RBFOX1: variants seen among roughly 807,000 people sequenced by gnomAD.
RBFOX1 encodes RNA binding fox-1 homolog 1, also known as RNA binding protein fox-1 homolog 1.
In RBFOX1, 8 loss-of-function variants were observed where a neutral mutation model predicts 57.7. The ratio of observed to expected loss-of-function variants is 0.14; its 90% CI spans 0.08 to 0.25. The LOEUF (loss-of-function observed/expected upper bound fraction) is 0.25, where lower values mean the gene tolerates loss of function less well. Among genes scored for constraint, RBFOX1 ranks in the 10% least tolerant of loss-of-function variants. RBFOX1 has a pLI of 1.00. For synonymous variants in RBFOX1, 326 were observed against 222.4 expected (o/e 1.47, Z -4.15); for missense variants, 611 against 548.5 (o/e 1.11, Z -1.14).
chr16:5,384,075 C>T (rs1030894753), intron 1 of RBFOX1, among the ~76,000 whole-genome samples: 2 of 152,188 alleles, frequency 1.3e-5, no homozygotes, highest in Non-Finnish European at 2.9e-5. Flanking sequence ...AGAAATGAGT[C>T]TATGTGTCCA....
intron 3 of RBFOX1, among the ~76,000 whole-genome samples, chr16:5,635,551 T>C (rs565803545): frequency 6.6e-6 from 1 of 152,234 alleles, no homozygotes; most frequent in Non-Finnish European, 1.5e-5. Flanking sequence ...ATGTATCCCA[T>C]ACAGATTTGC....
intron 5 of RBFOX1, among the ~76,000 whole-genome samples, chr16:7,536,701 T>G (rs1284029995): frequency 6.6e-6 from 1 of 152,226 alleles, no homozygotes; most frequent in African/African-American, 2.4e-5. Flanking sequence ...CAGGGGCGTG[T>G]GGAAGCCAGC....
intron 3 of RBFOX1, among the ~76,000 whole-genome samples, chr16:6,753,683 G>A (rs1000153205): frequency 2.0e-5 from 3 of 152,162 alleles, no homozygotes; most frequent in Non-Finnish European, 4.4e-5. Context: ...CTCCCCGTGA[G>A]AAGCCTCGTG....
chr16:6,700,452 G>T (rs952427298), intron 3 of RBFOX1, among the ~76,000 whole-genome samples: 6 of 152,052 alleles, frequency 3.9e-5, no homozygotes, highest in Non-Finnish European at 5.9e-5. Context: ...GAGGTCAGGA[G>T]TTGGAGACCA....
intron 2 of RBFOX1, among the ~76,000 whole-genome samples, chr16:6,629,922 A>G (rs1260604546): frequency 1.3e-5 from 2 of 150,844 alleles, no homozygotes; most frequent in African/African-American, 2.4e-5. Flanking sequence ...CCTCTGCTAC[A>G]TAAATGCTAA....
intron 2 of RBFOX1, among the ~76,000 whole-genome samples, chr16:6,323,744 A>G (rs1018023734): frequency 6.6e-6 from 1 of 150,926 alleles, no homozygotes. Flanking sequence ...GTTTCCATAC[A>G]TCATGGGTAT....
chr16:7,421,767 G>A (rs2098544801), intron 4 of RBFOX1, among the ~76,000 whole-genome samples: 1 of 152,208 alleles, frequency 6.6e-6, no homozygotes, highest in Non-Finnish European at 1.5e-5. Flanking sequence ...CTGTACCATG[G>A]CATCGTGCTG....
At chr16:6,986,518 A>C (rs11077122) in intron 3 of RBFOX1, among the ~76,000 whole-genome samples, 122,483 of 152,156 alleles carry the variant, frequency 0.8, 49,987 homozygotes, top group African/African-American at 0.95. Context: ...TTTTGAACTC[A>C]TGGGCTCAAC....
intron 4 of RBFOX1, among the ~76,000 whole-genome samples, chr16:7,057,422 C>G (rs2052688904): frequency 6.6e-6 from 1 of 152,216 alleles, no homozygotes. Context: ...TGGGTCCACT[C>G]TGGATTTTTC....
intron 1 of RBFOX1, among the ~76,000 whole-genome samples, chr16:6,278,149 A>C (rs780379765): frequency 8.5e-5 from 13 of 152,146 alleles, no homozygotes; most frequent in Admixed American, 5.2e-4. Flanking sequence ...GTGGAAAGCC[A>C]TAAAGAGGGG....
At chr16:5,774,055 A>G (rs541343944) in intron 3 of RBFOX1, among the ~76,000 whole-genome samples, 9 of 152,272 alleles carry the variant, frequency 5.9e-5, no homozygotes, top group African/African-American at 2.2e-4. Context: ...AGTCATTTAC[A>G]TTCCCACCAA....
intron 2 of RBFOX1, among the ~76,000 whole-genome samples, chr16:6,425,558 C>T (rs543939825): frequency 6.6e-6 from 1 of 152,218 alleles, no homozygotes; most frequent in East Asian, 1.9e-4. Context: ...CTTCATGTTC[C>T]TACCAAAGAA....
chr16:7,544,959 G>A (rs1242426948), intron 5 of RBFOX1, among the ~76,000 whole-genome samples: 2 of 152,182 alleles, frequency 1.3e-5, no homozygotes, highest in African/African-American at 4.8e-5. Flanking sequence ...CAGTTACGAT[G>A]TGTGAACGGA....
At position 6,720,333 on chromosome 16, in the gene RBFOX1, T is replaced by A. The variant is rs189560356; in HGVS notation, c.-16+65683T>A. 2.8e-3 allele frequency among the ~76,000 whole-genome samples: 427 copies of A among 152,296 alleles called. 1 individual carries two copies. The highest frequency in any genetic ancestry group is 9.5e-3 in the African/African-American group (396 of 41,576). The stretch of plus-strand genomic sequence containing the variant: ...ACATGCCAGCTTCCCTTTTGCCTTC[T>A]GCCCTAATTGAAAGTTTCCTCAGTC... On this transcript the variant is annotated intron_variant, in intron 3 of 15. Coordinates refer to ENST00000550418, the MANE Select transcript of RBFOX1 (RefSeq NM_018723.4).
chr16:6,062,659 C>T (rs77525522), intron 1 of RBFOX1, among the ~76,000 whole-genome samples: 1 of 69,642 alleles, frequency 1.4e-5, no homozygotes, highest in Non-Finnish European at 3.2e-5. Context: ...CTATATGTAT[C>T]TATACATAGA....
chr16:6,048,992 C>A (rs568907624), intron 1 of RBFOX1, among the ~76,000 whole-genome samples: 1 of 145,802 alleles, frequency 6.9e-6, no homozygotes, highest in Admixed American at 6.8e-5. Context: ...GAGACTTGAT[C>A]ATCATTTTGA....
intron 1 of RBFOX1, among the ~76,000 whole-genome samples, chr16:5,283,494 G>A (rs1374043304): frequency 6.6e-6 from 1 of 152,112 alleles, no homozygotes; most frequent in Non-Finnish European, 1.5e-5. Context: ...CAGGAGGGGT[G>A]TTATACCCTA....
intron 1 of RBFOX1, among the ~76,000 whole-genome samples, chr16:5,418,459 A>C (rs987433282): frequency 1.3e-5 from 2 of 152,194 alleles, no homozygotes; most frequent in Non-Finnish European, 2.9e-5. Context: ...TTACGCCAGG[A>C]AAGACCAAAT....
At chr16:7,237,481 C>T (rs958905402) in intron 4 of RBFOX1, among the ~76,000 whole-genome samples, 6 of 152,208 alleles carry the variant, frequency 3.9e-5, no homozygotes, top group Non-Finnish European at 8.8e-5. Flanking sequence ...ACATATGTAA[C>T]ACATATCTAC....
Sources: gnomAD v4.1 joint callset for allele counts (sites outside exome capture counted in the v4.1 genomes callset) on GRCh38, gnomAD v4.1.1 for gene constraint, MANE v1.5 for transcripts, NCBI Gene and HGNC (gene_info 2026-07-23, HGNC 2026-07-21) for gene names.